Variants in ZYG11A observed in about 807,000 individuals in gnomAD.
ZYG11A encodes the protein zyg-11 family member A, cell cycle regulator.
In ZYG11A, 62 loss-of-function variants were observed where a neutral mutation model predicts 77.2. The ratio of observed to expected loss-of-function variants is 0.80; its 90% CI spans 0.65 to 0.99. The LOEUF is 0.99. Ranked by LOEUF, ZYG11A falls within the 50% of genes least tolerant of loss-of-function variation. The pLI is 0.00. For missense variants in ZYG11A, 828 were observed against 896.8 expected, an observed-to-expected ratio of 0.92 and a Z score of 0.98; for synonymous variants, 315 against 324.6, an observed-to-expected ratio of 0.97 and a Z score of 0.32.
chr1:52,871,769 G>T (rs931363279), intron 8 of ZYG11A, among the ~76,000 whole-genome samples: 1 of 152,052 alleles, frequency 6.6e-6, no homozygotes, highest in Non-Finnish European at 1.5e-5. Context: ...TCTATTTGTT[G>T]TTTCTGTGCA....
At chr1:52,868,351 A>G (rs999419676) in intron 8 of ZYG11A, among the ~76,000 whole-genome samples, 1 of 152,196 alleles carries the variant, frequency 6.6e-6, no homozygotes, top group South Asian at 2.1e-4. Context: ...GCTACAGTAG[A>G]TAAGAACTTA....
chr1:52,862,140 TG>T (rs1222129784), intron 4 of ZYG11A, among the ~76,000 whole-genome samples: 1 of 150,112 alleles, frequency 6.7e-6, no homozygotes, highest in Non-Finnish European at 1.5e-5. Context: ...ACCTGGGAGG[TG>T]GAGGTTGCAG....
intron 8 of ZYG11A, among the ~76,000 whole-genome samples, chr1:52,875,213 A>G (rs1672908): frequency 0.49 from 73,941 of 152,042 alleles, 19,218 homozygotes; most frequent in Non-Finnish European, 0.59. Flanking sequence ...ATTGGATTTG[A>G]CAAGAGGAAG....
Position 52,860,758 on chromosome 1 carries a change from A to C in ZYG11A, c.1036A>C (p.Ile346Leu), listed in dbSNP as rs1264346853. ...TGCTGGAGGAGCCAGTATGAGTCAG[A>C]TTTCAGAAGCACTGAGCCGATACAG... ...RVAGGASMSQISEALSRYRNR... is the reference protein window; with the variant it reads ...RVAGGASMSQLSEALSRYRNR... Residue 346 changes from isoleucine (I) to leucine (L), a missense_variant, in exon 4 of 14, where the codon ATT becomes CTT. Transcript: ENST00000371528. The C allele has an allele frequency of 6.4e-7, 1 of 1,551,712 alleles. No individual in the cohort carries two copies. Among genetic ancestry groups the C allele is most frequent in the African/African-American group, 1.4e-5 (1 of 73,182 alleles).
At chr1:52,862,793 C>G (rs1174168706) in intron 4 of ZYG11A, among the ~76,000 whole-genome samples, 1 of 151,578 alleles carries the variant, frequency 6.6e-6, no homozygotes, top group East Asian at 1.9e-4. Context: ...TTTTGTTGTT[C>G]TTTGAGACAG....
intron 12 of ZYG11A, among the ~76,000 whole-genome samples, chr1:52,886,200 G>A (rs961770104): frequency 2.0e-5 from 3 of 152,136 alleles, no homozygotes; most frequent in Non-Finnish European, 2.9e-5. Flanking sequence ...CTAAAGTGCT[G>A]GGATTACAGG....
chr1:52,886,089 T>C (rs946112305), intron 12 of ZYG11A, among the ~76,000 whole-genome samples, 195 bp downstream of exon 12: 11 of 152,076 alleles, frequency 7.2e-5, no homozygotes, highest in African/African-American at 2.4e-4. Flanking sequence ...CCCGCCACCA[T>C]GCCCGGCTAA....
At chr1:52,847,509 ATTTTT>A (rs34348785) in intron 1 of ZYG11A, among the ~76,000 whole-genome samples, 1 of 145,168 alleles carries the variant, frequency 6.9e-6, no homozygotes, top group Non-Finnish European at 1.5e-5. Flanking sequence ...CCAGCCTGTC[ATTTTT>A]TTTTTTTTTT....
intron 8 of ZYG11A, among the ~76,000 whole-genome samples, chr1:52,873,984 C>CAA (rs529381750): frequency 7.1e-6 from 1 of 141,396 alleles, no homozygotes. Context: ...AACTCCGTCT[C>CAA]AAAAAAAAAA....
intron 10 of ZYG11A, among the ~76,000 whole-genome samples, chr1:52,878,583 A>G (rs918563902): frequency 5.9e-5 from 9 of 152,286 alleles, no homozygotes; most frequent in African/African-American, 1.9e-4. Context: ...GTATTCTACC[A>G]TACACTGTTA....
At chr1:52,868,005 C>T (rs371532210) in intron 8 of ZYG11A, among the ~76,000 whole-genome samples, 82 of 120,868 alleles carry the variant, frequency 6.8e-4, no homozygotes, top group African/African-American at 2.5e-3. Flanking sequence ...CTCACTCTGT[C>T]GCCCAGGCTG....
intron 6 of ZYG11A, 86 bp from the exon 7 acceptor site, chr1:52,867,453 T>TTA: frequency 1.1e-6 from 1 of 880,504 alleles, no homozygotes; most frequent in Non-Finnish European, 1.8e-6. Context: ...CATTATAGGA[T>TTA]TACTTGGGGA....
intron 8 of ZYG11A, among the ~76,000 whole-genome samples, chr1:52,871,734 C>G (rs949553992): frequency 6.6e-6 from 1 of 152,136 alleles, no homozygotes; most frequent in Non-Finnish European, 1.5e-5. Flanking sequence ...AAGATCTGTC[C>G]TCGGATTTCT....
At chr1:52,882,254 C>CT (rs1291889094) in intron 11 of ZYG11A, among the ~76,000 whole-genome samples, 1 of 152,206 alleles carries the variant, frequency 6.6e-6, no homozygotes, top group Non-Finnish European at 1.5e-5. Flanking sequence ...CTTTAGGAAT[C>CT]TATCAATTCA....
chr1:52,856,792 A>C (rs1052606793), intron 2 of ZYG11A, among the ~76,000 whole-genome samples: 2 of 152,222 alleles, frequency 1.3e-5, no homozygotes, highest in African/African-American at 4.8e-5. Context: ...ACATAGTAGT[A>C]GTAACAATAA....
At chr1:52,851,398 ATTC>A (rs978628717) in intron 1 of ZYG11A, among the ~76,000 whole-genome samples, 2 of 150,196 alleles carry the variant, frequency 1.3e-5, no homozygotes, top group African/African-American at 2.5e-5. Context: ...CAGTCAATTT[ATTC>A]TTCTTATTAT....
intron 1 of ZYG11A, 25 bp from the exon 2 acceptor site, chr1:52,854,440 G>T: frequency 2.0e-6 from 3 of 1,519,532 alleles, no homozygotes; most frequent in Non-Finnish European, 2.7e-6. Context: ...TTCTAACAAA[G>T]TTTGTTTGGG....
At chr1:52,855,695 A>C (rs944949284) in intron 2 of ZYG11A, among the ~76,000 whole-genome samples, 1 of 152,134 alleles carries the variant, frequency 6.6e-6, no homozygotes, top group African/African-American at 2.4e-5. Flanking sequence ...AACTTTTTTC[A>C]TTTAGCATGT....
At position 52,854,624 on chromosome 1, in the gene ZYG11A, T is replaced by C; in HGVS notation, c.250T>C (p.Trp84Arg). 1 of 1,536,820 alleles carries C rather than the reference T, an allele frequency of 6.5e-7. No homozygotes were observed. Among genetic ancestry groups the C allele is most frequent in the Non-Finnish European group, 8.8e-7 (1 of 1,136,164 alleles). ...VAERFLRVMT[W>R]QGKLTDRTAS... ...CGAGCGATTTCTCAGGGTGATGACTTGGCAAGGTAGTGATAAGGCTTCTCT... is the reference window on the plus strand; with the variant it reads ...CGAGCGATTTCTCAGGGTGATGACTCGGCAAGGTAGTGATAAGGCTTCTCT... The change falls in exon 2 of 14, where the codon TGG becomes CGG. Residue 84 changes from tryptophan (W) to arginine (R), a missense_variant. Transcript: ENST00000371528.
Sources: allele counts gnomAD v4.1 joint callset (sites outside exome capture counted in the v4.1 genomes callset), GRCh38; gene constraint gnomAD v4.1.1; transcripts MANE v1.5; gene names NCBI Gene and HGNC (gene_info 2026-07-23, HGNC 2026-07-21).